VRK3: variants seen among roughly 807,000 people sequenced by gnomAD.
VRK3 encodes serine/threonine-protein kinase VRK3.
Under a neutral mutation model 60.4 loss-of-function variants are expected in VRK3, and 50 were observed. That is an observed-to-expected ratio of 0.83 (90% confidence interval 0.66 to 1.05). The LOEUF is 1.05. Among genes scored for constraint, VRK3 ranks in the 50% least tolerant of loss-of-function variants. VRK3 has a pLI of 0.00. For missense variants in VRK3, 549 were observed against 585.3 expected, an observed-to-expected ratio of 0.94 and a Z score of 0.64; for synonymous variants, 246 against 227.8, an observed-to-expected ratio of 1.08 and a Z score of -0.72.
chr19:50,012,926 G>A (rs55922227), intron 3 of VRK3, among the ~76,000 whole-genome samples: 8,259 of 151,836 alleles, frequency 0.054, 257 homozygotes, highest in Middle Eastern at 0.11. Context: ...CCAGCACTTT[G>A]GGAGGCCGAG....
At chr19:49,990,400 A>G (rs1240778119) in intron 10 of VRK3, among the ~76,000 whole-genome samples, 1 of 152,198 alleles carries the variant, frequency 6.6e-6, no homozygotes, top group Non-Finnish European at 1.5e-5. Context: ...CTACTTATTT[A>G]TTTTGAGATG....
chr19:50,015,307 A>T (rs2077057442), intron 3 of VRK3, among the ~76,000 whole-genome samples: 1 of 150,558 alleles, frequency 6.6e-6, no homozygotes, highest in African/African-American at 2.5e-5. Context: ...ACTACTGTGG[A>T]TTTCAGATTT....
intron 7 of VRK3, among the ~76,000 whole-genome samples, chr19:49,995,544 T>C (rs1054473416): frequency 2.6e-5 from 4 of 152,080 alleles, no homozygotes; most frequent in East Asian, 1.9e-4. Flanking sequence ...AGTGCAGAGA[T>C]GGGATAATGA....
chr19:49,986,102 C>T lies in VRK3; in HGVS notation c.1217+2270G>A, dbSNP rs10408871. On this transcript the variant is annotated intron_variant, in intron 12 of 14. Coordinates refer to ENST00000316763, the MANE Select transcript of VRK3 (RefSeq NM_016440.4). ...TCAAAATGACGACACACATCCCCTT[C>T]TCTGAAGGAGGATGAAATTCTGGGC... is the stretch of plus-strand genomic sequence containing the variant. Among the ~76,000 whole-genome samples, 426 of 152,318 alleles carry T rather than the reference C, an allele frequency of 2.8e-3. 1 individual carries two copies. Among genetic ancestry groups the T allele is most frequent in the Non-Finnish European group, 4.8e-3 (324 of 68,030 alleles).
intron 6 of VRK3, chr19:49,999,243 G>GC (rs1237707032): frequency 6.6e-6 from 1 of 152,320 alleles, no homozygotes; most frequent in Non-Finnish European, 1.5e-5. Flanking sequence ...CTGGCTCCCT[G>GC]CCCCATCTTC....
intron 9 of VRK3, among the ~76,000 whole-genome samples, chr19:49,994,534 T>C (rs2076667540): frequency 6.6e-6 from 1 of 152,094 alleles, no homozygotes; most frequent in Admixed American, 6.5e-5. Flanking sequence ...ATCCTGAGAG[T>C]CTTGGCTTAG....
chr19:50,001,679 G>A (rs1022499446), intron 5 of VRK3, among the ~76,000 whole-genome samples: 1 of 152,128 alleles, frequency 6.6e-6, no homozygotes, highest in Non-Finnish European at 1.5e-5. Flanking sequence ...CCACGTCTCT[G>A]GCCCTGTGCT....
intron 7 of VRK3, 40 bp from the exon 8 acceptor site, chr19:49,995,315 C>A: frequency 1.3e-6 from 2 of 1,589,512 alleles, no homozygotes; most frequent in East Asian, 2.2e-5. Context: ...CCCACCCAGT[C>A]CCAAGCCCAT....
At chr19:50,023,219 CT>C (rs1360287172) in intron 1 of VRK3, among the ~76,000 whole-genome samples, 1 of 152,138 alleles carries the variant, frequency 6.6e-6, no homozygotes, top group Non-Finnish European at 1.5e-5. Flanking sequence ...GAGTTTGGCT[CT>C]TTTCGCCCAG....
chr19:50,018,923 T>A (rs1254790880), intron 2 of VRK3: 2 of 151,278 alleles, frequency 1.3e-5, no homozygotes, highest in Non-Finnish European at 2.9e-5. Context: ...CCCAGCACTT[T>A]GGGAGGCCGA....
Position 50,007,559 on chromosome 19 carries a change from C to T in VRK3, c.547+10G>A, listed in dbSNP as rs201846711. 17 of 1,613,476 alleles carry T rather than the reference C, an allele frequency of 1.1e-5. No individual in the cohort carries two copies. The African/African-American group carries it at 2.3e-4, about 21-fold the overall frequency. On this transcript the variant is annotated intron_variant, in intron 5 of 14. Transcript: ENST00000316763. The stretch of plus-strand genomic sequence containing the variant: ...GACCCAGTCCCTGGCCGCCCATGGA[C>T]AGAGTGTACCTTCATAGAGAATGCC...
At chr19:50,003,769 T>G (rs540026997) in intron 5 of VRK3, among the ~76,000 whole-genome samples, 1 of 152,274 alleles carries the variant, frequency 6.6e-6, no homozygotes, top group African/African-American at 2.4e-5. Flanking sequence ...GGCGATTTGC[T>G]CTGGGGCGAT....
intron 12 of VRK3, among the ~76,000 whole-genome samples, chr19:49,984,195 G>GT (rs1315801481): frequency 6.6e-6 from 1 of 152,162 alleles, no homozygotes; most frequent in Non-Finnish European, 1.5e-5. Flanking sequence ...TTGGAGACCA[G>GT]TTTCCCTGAC....
At chr19:50,017,085 T>A (rs369791754) in intron 2 of VRK3, among the ~76,000 whole-genome samples, 4 of 152,068 alleles carry the variant, frequency 2.6e-5, no homozygotes, top group East Asian at 1.9e-4. Flanking sequence ...TCCCAGCTAC[T>A]CAGGAGGCTG....
At chr19:50,007,449 C>A in intron 5 of VRK3, 120 bp downstream of exon 5, 1 of 1,473,036 alleles carries the variant, frequency 6.8e-7, no homozygotes. Flanking sequence ...GAGAAAGTTG[C>A]CTAGCGACAG....
At chr19:50,003,109 C>T (rs3786675) in intron 5 of VRK3, among the ~76,000 whole-genome samples, 9,579 of 152,136 alleles carry the variant, frequency 0.063, 814 homozygotes, top group African/African-American at 0.18. Context: ...TGCTGTCATT[C>T]GAAAGGTCAA....
rs2076416233 is a variant in VRK3 at position 49,981,192 on chromosome 19, TC to T, written c.1218-180del. The stretch of plus-strand genomic sequence containing the variant: ...GAATCAACCAATCCACTACCATTGC[TC>T]CCAAGGGAAACAGCACTGCTTCCTG... On this transcript the variant is annotated intron_variant, in intron 12 of 14. Coordinates refer to ENST00000316763, the MANE Select transcript of VRK3 (RefSeq NM_016440.4). The T allele has an allele frequency of 1.3e-5, 8 of 635,950 alleles. No individual in the cohort carries two copies. The South Asian group carries it at 1.5e-4, about 12-fold the overall frequency. The allele number at this position is 635,950 out of a possible 1,614,324, so 39.4% of individuals were successfully genotyped here.
intron 2 of VRK3, among the ~76,000 whole-genome samples, chr19:50,018,277 T>C (rs2077109092): frequency 6.6e-6 from 1 of 152,258 alleles, no homozygotes; most frequent in Non-Finnish European, 1.5e-5. Context: ...TGTGACCATA[T>C]CATGCCTTGT....
At chr19:50,005,826 C>T (rs1323587075) in intron 5 of VRK3, among the ~76,000 whole-genome samples, 2 of 149,682 alleles carry the variant, frequency 1.3e-5, no homozygotes, top group South Asian at 2.1e-4. Flanking sequence ...GGCAAATCCA[C>T]GGAGGGAGAA....
Sources: gnomAD v4.1 joint callset for allele counts (sites outside exome capture counted in the v4.1 genomes callset) on GRCh38, gnomAD v4.1.1 for gene constraint, MANE v1.5 for transcripts, NCBI Gene and HGNC (gene_info 2026-07-23, HGNC 2026-07-21) for gene names.